FTO: variants seen among roughly 807,000 people sequenced by gnomAD.
The protein encoded by FTO is FTO alpha-ketoglutarate dependent dioxygenase.
FTO carries 47 observed loss-of-function variants against 63.9 expected under a neutral mutation model. The ratio of observed to expected loss-of-function variants is 0.74; its 90% CI spans 0.58 to 0.94. The LOEUF is 0.94. Ranked by LOEUF, FTO falls within the 40% of genes least tolerant of loss-of-function variation. FTO has a pLI of 0.00. For synonymous variants in FTO, 207 were observed against 224.4 expected (o/e 0.92, Z 0.69); for missense variants, 562 against 618.1 (o/e 0.91, Z 0.96).
intron 4 of FTO, among the ~76,000 whole-genome samples, chr16:53,857,466 C>G (rs35771999): frequency 3.1e-4 from 47 of 149,366 alleles, no homozygotes; most frequent in African/African-American, 1.0e-3. Context: ...CTCTCTCTCT[C>G]TTTCTATATA....
At position 54,094,224 on chromosome 16, in the gene FTO, GATTA is replaced by G. The variant is rs554952377; in HGVS notation, c.1365-17531_1365-17528del. 2.4e-3 allele frequency among the ~76,000 whole-genome samples: 370 copies of G among 152,274 alleles called. 3 individuals carry two copies. The highest frequency in any genetic ancestry group is 3.3e-3 in the Non-Finnish European group (225 of 68,022). ...CAGGTGGGAAACTTGTGGTTGTGAT[GATTA>G]ATTAATAAGTCCGCCCAGTTAACCT... is the stretch of plus-strand genomic sequence containing the variant. On this transcript the variant is annotated intron_variant, in intron 8 of 8. Coordinates refer to ENST00000471389, the MANE Select transcript of FTO (RefSeq NM_001080432.3).
intron 8 of FTO, among the ~76,000 whole-genome samples, chr16:53,998,044 T>A (rs1237082192): frequency 6.6e-6 from 1 of 152,212 alleles, no homozygotes; most frequent in Non-Finnish European, 1.5e-5. Context: ...CATAGGCCCC[T>A]CTTTTATGTA....
chr16:53,805,490 C>T (rs1014686559), intron 1 of FTO, among the ~76,000 whole-genome samples: 3 of 142,460 alleles, frequency 2.1e-5, no homozygotes, highest in South Asian at 4.8e-4. Flanking sequence ...TTCTGTCACA[C>T]AGGCTGGAGT....
intron 7 of FTO, among the ~76,000 whole-genome samples, chr16:53,930,221 CTT>C (rs1014205147): frequency 1.2e-4 from 9 of 75,704 alleles, no homozygotes; most frequent in African/African-American, 4.1e-4. Flanking sequence ...TGATTATCTT[CTT>C]TTTTTTTTTT....
At position 53,826,399 on chromosome 16, in the gene FTO, A is replaced by G. The variant is rs771548627; in HGVS notation, c.659A>G (p.Tyr220Cys). 5.0e-6 allele frequency: 8 copies of G among 1,614,074 alleles called. 1 individual carries two copies. In the South Asian group the frequency reaches 8.8e-5, roughly 18 times the overall value. ...QKMPYLKEEPYFGMGKMAVSW... is the reference protein window; with the variant it reads ...QKMPYLKEEPCFGMGKMAVSW... The stretch of plus-strand genomic sequence containing the variant: ...ATGCCATACCTGAAAGAGGAACCTT[A>G]TTTTGGCATGGGGAAAATGGCAGTG... Residue 220 changes from tyrosine to cysteine, a missense_variant, in exon 3 of 9, where the codon TAT (tyrosine) becomes TGT (cysteine). Physicochemically the swap from Tyr to Cys is radical, Grantham distance 194. Coordinates refer to ENST00000471389, the MANE Select transcript of FTO (RefSeq NM_001080432.3).
intron 3 of FTO, among the ~76,000 whole-genome samples, chr16:53,833,925 T>C (rs2151795464): frequency 6.6e-6 from 1 of 152,354 alleles, no homozygotes; most frequent in East Asian, 1.9e-4. Flanking sequence ...ATTTGGCTGG[T>C]TTTTAGTTGT....
chr16:53,733,034 TTCTG>T (rs1227490352), intron 1 of FTO, among the ~76,000 whole-genome samples: 5 of 152,164 alleles, frequency 3.3e-5, no homozygotes, highest in Non-Finnish European at 5.9e-5. Flanking sequence ...AGCCCCCCTT[TTCTG>T]TCTTTTTAAA....
chr16:54,009,616 A>G (rs1171968425), intron 8 of FTO, among the ~76,000 whole-genome samples: 1 of 152,176 alleles, frequency 6.6e-6, no homozygotes, highest in Non-Finnish European at 1.5e-5. Context: ...ATATCTCCCA[A>G]GAGCCCGGTT....
chr16:54,099,946 C>T (rs1303552260), intron 8 of FTO, among the ~76,000 whole-genome samples: 1 of 152,110 alleles, frequency 6.6e-6, no homozygotes, highest in Non-Finnish European at 1.5e-5. Context: ...CCCAAAGACA[C>T]GTATGTCTCC....
At chr16:53,729,894 A>G (rs2076235374) in intron 1 of FTO, among the ~76,000 whole-genome samples, 1 of 151,996 alleles carries the variant, frequency 6.6e-6, no homozygotes, top group Non-Finnish European at 1.5e-5. Flanking sequence ...TCCCCTCACT[A>G]TAGCTGTTTG....
chr16:53,737,368 TAC>T (rs2076413428), intron 1 of FTO, among the ~76,000 whole-genome samples: 2 of 152,262 alleles, frequency 1.3e-5, no homozygotes, highest in Middle Eastern at 6.8e-3. Flanking sequence ...AGAGTGCACT[TAC>T]ACAAACCTAG....
intron 1 of FTO, among the ~76,000 whole-genome samples, chr16:53,712,880 G>A (rs1004222707): frequency 6.6e-6 from 1 of 151,886 alleles, no homozygotes; most frequent in African/African-American, 2.4e-5. Flanking sequence ...GAGATTTACT[G>A]TGGCTGAGTT....
At chr16:54,110,740 A>G (rs775193378) in intron 8 of FTO, among the ~76,000 whole-genome samples, 1 of 152,238 alleles carries the variant, frequency 6.6e-6, no homozygotes. Flanking sequence ...GATTTAGACA[A>G]AAATGGAGAG....
chr16:53,767,582 G>A (rs2077240160), intron 1 of FTO, among the ~76,000 whole-genome samples: 1 of 151,594 alleles, frequency 6.6e-6, no homozygotes, highest in Non-Finnish European at 1.5e-5. Context: ...CTGGCTTTAT[G>A]AATTTTTTTT....
intron 1 of FTO, among the ~76,000 whole-genome samples, chr16:53,751,615 A>T (rs2076795700): frequency 6.6e-6 from 1 of 152,128 alleles, no homozygotes; most frequent in African/African-American, 2.4e-5. Flanking sequence ...TGAAGATGGG[A>T]AGTAGGTGAG....
chr16:53,781,249 T>G (rs11075987), intron 1 of FTO, among the ~76,000 whole-genome samples: 88,426 of 152,146 alleles, frequency 0.58, 26,882 homozygotes, highest in African/African-American at 0.77. Context: ...CTGGTATTTG[T>G]ACTGAATGCT....
chr16:53,860,940 TATTA>T (rs1360831774), intron 4 of FTO, among the ~76,000 whole-genome samples: 3 of 151,932 alleles, frequency 2.0e-5, no homozygotes, highest in Non-Finnish European at 4.4e-5. Context: ...GTCATGGGTA[TATTA>T]ATTAGATTGG....
At chr16:53,764,497 GA>G (rs1216303999) in intron 1 of FTO, among the ~76,000 whole-genome samples, 1 of 133,012 alleles carries the variant, frequency 7.5e-6, no homozygotes, top group African/African-American at 2.8e-5. Context: ...AAAAAGAAAA[GA>G]GGGGCTGAAT....
intron 1 of FTO, among the ~76,000 whole-genome samples, chr16:53,795,212 A>G (rs778985697): frequency 4.6e-5 from 7 of 152,228 alleles, no homozygotes; most frequent in Non-Finnish European, 7.3e-5. Flanking sequence ...ACCTCACACA[A>G]TTAAAAAGAG....
Sources: allele counts gnomAD v4.1 joint callset (sites outside exome capture counted in the v4.1 genomes callset), GRCh38; gene constraint gnomAD v4.1.1; transcripts MANE v1.5; gene names NCBI Gene and HGNC (gene_info 2026-07-23, HGNC 2026-07-21).